The following TNFRSF1B variants were observed in gnomAD, a reference collection of about 807,000 sequenced individuals.
The protein encoded by TNFRSF1B is TNF receptor superfamily member 1B, also known as tumor necrosis factor receptor superfamily member 1B.
A neutral mutation model predicts 44.6 loss-of-function variants in TNFRSF1B; 19 were observed. That is an observed-to-expected ratio of 0.43 (90% CI 0.30 to 0.62). The LOEUF is 0.62. TNFRSF1B is among the 20% of genes least tolerant of loss of function. The pLI is 0.16. For missense variants in TNFRSF1B, 541 were observed against 619.9 expected (o/e 0.87, Z 1.35); for synonymous variants, 252 against 261.1 (o/e 0.97, Z 0.34).
Position 12,189,929 on chromosome 1 carries a change from C to T in TNFRSF1B, c.179-1028C>T, listed in dbSNP as rs527635602. Among the ~76,000 whole-genome samples, 12 of 152,260 alleles carry T rather than the reference C, an allele frequency of 7.9e-5. 1 individual carries two copies. In the East Asian group the frequency reaches 1.9e-3, roughly 25 times the overall value. ...ACAGCATGTGCGAAGGCCTTGAAGTCGGAGCCTGTTTGGTGAGTTGGAGGA... is the reference window on the plus strand; with the variant it reads ...ACAGCATGTGCGAAGGCCTTGAAGTTGGAGCCTGTTTGGTGAGTTGGAGGA... On this transcript the variant is annotated intron_variant, in intron 2 of 9. Transcript: ENST00000376259.
chr1:12,169,739 A>G lies in TNFRSF1B; in HGVS notation c.78+2570A>G, dbSNP rs988674437. Among the ~76,000 whole-genome samples, 8 of 152,236 alleles carry G rather than the reference A, an allele frequency of 5.3e-5. No homozygotes were observed. The highest frequency in any genetic ancestry group is 1.9e-4 in the African/African-American group (8 of 41,456). ...GAAAACATCATTCATTCATTTAGCC[A>G]TTTATTCATTTGACAAAGAAATGCC... On this transcript the variant is annotated intron_variant, in intron 1 of 9. Coordinates refer to ENST00000376259, the MANE Select transcript of TNFRSF1B (RefSeq NM_001066.3). This position sits in a 1 kb window ranked among gnomAD's most constrained non-coding sequence, Gnocchi z 4.5.
intron 8 of TNFRSF1B, among the ~76,000 whole-genome samples, chr1:12,198,121 CA>C (rs5772486): frequency 0.58 from 56,956 of 98,566 alleles, 13,143 homozygotes; most frequent in Middle Eastern, 0.64. Context: ...GACTCCATCT[CA>C]AAAAAAAAAA....
chr1:12,199,823 A>G lies in TNFRSF1B; in HGVS notation c.901-2144A>G, dbSNP rs1639348912. Among the ~76,000 whole-genome samples, 2 of 152,086 alleles carry G rather than the reference A, an allele frequency of 1.3e-5. No individual in the cohort carries two copies. The highest frequency in any genetic ancestry group is 2.4e-5 in the African/African-American group (1 of 41,404). ...TACCCTCCTTCTTTCTGCCTGGGAC[A>G]CTTGTTTTCATCCTGGGCAGGCCAG... On this transcript the variant is annotated intron_variant, in intron 8 of 9. Coordinates refer to ENST00000376259, the MANE Select transcript of TNFRSF1B (RefSeq NM_001066.3). The surrounding 1 kb of genome is among the most constrained non-coding windows in gnomAD (Gnocchi z 4.0).
chr1:12,192,391 A>G, intron 4 of TNFRSF1B, 40 bp from the exon 5 acceptor site: 1 of 1,602,432 alleles, frequency 6.2e-7, no homozygotes. Flanking sequence ...TGTCCCGCAG[A>G]GTGTCTGAGT....
rs376906477 is a variant in TNFRSF1B, at chr1:12,183,291, C to G, written c.79-5505C>G. On this transcript the variant is annotated intron_variant, in intron 1 of 9. Coordinates refer to ENST00000376259, the MANE Select transcript of TNFRSF1B (RefSeq NM_001066.3). ...TCTATCCGCTTGCCGCCATCCTGGC[C>G]CTGGCATGGCCCAAAGTCTCTGGGA... Among the ~76,000 whole-genome samples the G allele has an allele frequency of 3.5e-4, 53 of 152,268 alleles. 1 individual carries two copies. The highest frequency in any genetic ancestry group is 9.6e-4 in the African/African-American group (40 of 41,540).
intron 1 of TNFRSF1B, among the ~76,000 whole-genome samples, chr1:12,188,065 A>G (rs1285992961): frequency 1.3e-5 from 2 of 152,222 alleles, no homozygotes; most frequent in Non-Finnish European, 2.9e-5. Context: ...AAAAATGGCA[A>G]CGATTGTCAT....
At chr1:12,185,038 G>A (rs958798173) in intron 1 of TNFRSF1B, among the ~76,000 whole-genome samples, 2 of 152,218 alleles carry the variant, frequency 1.3e-5, no homozygotes, top group Non-Finnish European at 2.9e-5. Flanking sequence ...GCGCCCAGCA[G>A]CAGCCTTCAG....
At chr1:12,206,640 T>G in intron 9 of TNFRSF1B, 100 bp from the exon 10 acceptor site, 1 of 1,338,028 alleles carries the variant, frequency 7.5e-7, no homozygotes, top group Non-Finnish European at 1.0e-6. Context: ...CCTGGCCCAG[T>G]GCTCTTTCCC....
At position 12,192,720 on chromosome 1, in the gene TNFRSF1B, G is replaced by A. The variant is rs947601462; in HGVS notation, c.552-143G>A. 4 of 865,848 alleles carry A rather than the reference G, an allele frequency of 4.6e-6. No individual in the cohort carries two copies. In the African/African-American group the frequency reaches 6.7e-5, roughly 14 times the overall value. 53.6% of individuals were successfully genotyped at this position (865,848 alleles called of 1,614,324 possible). A position where few individuals can be genotyped will look rare whatever the true frequency, so the allele number is the denominator to read the frequency against. On this transcript the variant is annotated intron_variant, in intron 5 of 9. Coordinates refer to ENST00000376259, the MANE Select transcript of TNFRSF1B (RefSeq NM_001066.3). ...GACTGGGTGGGTGCATGGGGAGGTG[G>A]GGGAGGGCTAGGAGGGGGTGGTCCT...
chr1:12,191,141 G>C, intron 3 of TNFRSF1B, 56 bp downstream of exon 3: 1 of 1,588,856 alleles, frequency 6.3e-7, no homozygotes, highest in Non-Finnish European at 8.6e-7. Flanking sequence ...AACTTCCCCC[G>C]GCAACTCCAG....
At chr1:12,194,650 C>T (rs1284306004) in intron 8 of TNFRSF1B, 32 bp downstream of exon 8, 2 of 1,613,474 alleles carry the variant, frequency 1.2e-6, no homozygotes, top group South Asian at 1.1e-5. Context: ...TCCCCCTCTT[C>T]CCCTGGTCTC....
rs1638869356 is a variant in TNFRSF1B, at chr1:12,183,662, A to G, written c.79-5134A>G. 3.1e-5 allele frequency among the ~76,000 whole-genome samples: 3 copies of G among 95,442 alleles called. No homozygotes were observed. In the Admixed American group the frequency reaches 3.2e-4, roughly 10 times the overall value. The allele number at this position is 95,442 out of a possible 152,430, so 62.6% of individuals were successfully genotyped here. On this transcript the variant is annotated intron_variant, in intron 1 of 9. Coordinates refer to ENST00000376259, the MANE Select transcript of TNFRSF1B (RefSeq NM_001066.3). ...TCTAGCTATTTTATCTATTTTATCTATCTATCTATCTATCTATCTATCTAT... is the reference window on the plus strand; with the variant it reads ...TCTAGCTATTTTATCTATTTTATCTGTCTATCTATCTATCTATCTATCTAT...
At chr1:12,173,487 G>A (rs1638565406) in intron 1 of TNFRSF1B, among the ~76,000 whole-genome samples, 1 of 152,208 alleles carries the variant, frequency 6.6e-6, no homozygotes, top group South Asian at 2.1e-4. Context: ...TCCTTAGGCA[G>A]AACTGGGGTT....
At position 12,168,491 on chromosome 1, in the gene TNFRSF1B, G is replaced by A. The variant is rs1027348364; in HGVS notation, c.78+1322G>A. Reference sequence around the variant, plus strand: ...GGGCCGAGTGTGAATGGGGACGACCGTGGTCCCCAGCTTGACTTTGGGGTC... The same window carrying A: ...GGGCCGAGTGTGAATGGGGACGACCATGGTCCCCAGCTTGACTTTGGGGTC... On this transcript the variant is annotated intron_variant, in intron 1 of 9. Coordinates refer to ENST00000376259, the MANE Select transcript of TNFRSF1B (RefSeq NM_001066.3). The surrounding 1 kb of genome is among the most constrained non-coding windows in gnomAD (Gnocchi z 4.7). 7.2e-5 allele frequency among the ~76,000 whole-genome samples: 11 copies of A among 152,246 alleles called. No individual in the cohort carries two copies. The highest frequency in any genetic ancestry group is 2.4e-4 in the African/African-American group (10 of 41,552).
Position 12,192,361 on chromosome 1 carries a change from C to T in TNFRSF1B, c.458-70C>T, listed in dbSNP as rs1388737971. ...TGGGCCCCTCAGACCTCTCCTAGGG[C>T]TCTAGTGCCAAGGCCCAGCTGTCCC... On this transcript the variant is annotated intron_variant, in intron 4 of 9. Coordinates refer to ENST00000376259, the MANE Select transcript of TNFRSF1B (RefSeq NM_001066.3). 3.4e-6 allele frequency: 5 copies of T among 1,467,256 alleles called. No homozygotes were observed. In the African/African-American group the frequency reaches 4.2e-5, roughly 12 times the overall value. 90.9% of individuals were successfully genotyped at this position (1,467,256 alleles called of 1,614,324 possible).
At position 12,179,268 on chromosome 1, in the gene TNFRSF1B, C is replaced by T. The variant is rs567579477; in HGVS notation, c.79-9528C>T. On this transcript the variant is annotated intron_variant, in intron 1 of 9. Coordinates refer to ENST00000376259, the MANE Select transcript of TNFRSF1B (RefSeq NM_001066.3). Reference sequence around the variant, plus strand: ...CTGTGATGTGGTCAGTCCTTCCTAACGCAGATGCCATTCCTCTCCGTGACG... The same window carrying T: ...CTGTGATGTGGTCAGTCCTTCCTAATGCAGATGCCATTCCTCTCCGTGACG... Among the ~76,000 whole-genome samples, 4 of 152,268 alleles carry T rather than the reference C, an allele frequency of 2.6e-5. No homozygotes were observed. In the South Asian group the frequency reaches 6.2e-4, roughly 24 times the overall value.
chr1:12,204,514 C>T (rs1167719684), intron 9 of TNFRSF1B, among the ~76,000 whole-genome samples: 1 of 152,146 alleles, frequency 6.6e-6, no homozygotes, highest in Admixed American at 6.5e-5. Flanking sequence ...TCAGCAGGCC[C>T]CTGCAGCAAC....
At chr1:12,197,687 C>G (rs563808572) in intron 8 of TNFRSF1B, among the ~76,000 whole-genome samples, 1 of 152,342 alleles carries the variant, frequency 6.6e-6, no homozygotes, top group Admixed American at 6.5e-5. Context: ...CCTCAACCAG[C>G]AGCTACTCCT....
intron 8 of TNFRSF1B, among the ~76,000 whole-genome samples, chr1:12,194,902 C>T (rs1639233323): frequency 6.6e-6 from 1 of 152,254 alleles, no homozygotes; most frequent in Admixed American, 6.5e-5. Flanking sequence ...TGTGAAATTG[C>T]TCTATGGCTA....
Sources: gnomAD v4.1 joint callset for allele counts (sites outside exome capture counted in the v4.1 genomes callset) on GRCh38, gnomAD v4.1.1 for gene constraint, Gnocchi (gnomAD v3.1) non-coding constraint, MANE v1.5 for transcripts, NCBI Gene and HGNC (gene_info 2026-07-23, HGNC 2026-07-21) for gene names.